NEIL3: variants seen among roughly 807,000 people sequenced by gnomAD.
NEIL3 encodes the protein nei like DNA glycosylase 3.
Under a neutral mutation model 57.5 loss-of-function variants are expected in NEIL3, and 48 were observed. That is an observed-to-expected ratio of 0.83 (90% CI 0.66 to 1.06). The LOEUF is 1.06. Among genes scored for constraint, NEIL3 ranks in the 50% least tolerant of loss-of-function variants. NEIL3 has a pLI of 0.00. For synonymous variants in NEIL3, 261 were observed against 253.2 expected, an observed-to-expected ratio of 1.03 and a Z score of -0.29; for missense variants, 717 against 739.1, an observed-to-expected ratio of 0.97 and a Z score of 0.35.
In NEIL3 at chr4:177,309,880, C is replaced by T. The variant is rs550033836; in HGVS notation, c.-74C>T. On this transcript the variant is annotated 5_prime_UTR_variant, in exon 1 of 10. Coordinates refer to ENST00000264596, the MANE Select transcript of NEIL3 (RefSeq NM_018248.3). ...ATTTCCTCTGCGTGCGGTCAGTGCC[C>T]GCGCAGCGTTGAGTTGCACAGCGGT... is the stretch of plus-strand genomic sequence containing the variant. 5.2e-6 allele frequency: 8 copies of T among 1,530,956 alleles called. No homozygotes were observed. The highest frequency in any genetic ancestry group is 4.9e-5 in the South Asian group (4 of 80,922). The allele number at this position is 1,530,956 out of a possible 1,614,324, so 94.8% of individuals were successfully genotyped here.
rs1181578831 is a variant in NEIL3, at chr4:177,326,289, C to T, written c.278+3709C>T. On this transcript the variant is annotated intron_variant, in intron 2 of 9. Transcript: ENST00000264596. ...GTGTATTTTCCAGCACCATTGTTGA[C>T]GAGATTATCCTTTCTCCATTGAATT... 2.6e-5 allele frequency among the ~76,000 whole-genome samples: 4 copies of T among 152,150 alleles called. No homozygotes were observed. The East Asian group carries it at 7.7e-4, about 29-fold the overall frequency.
At chr4:177,337,655 C>T (rs1287816773) in intron 4 of NEIL3, among the ~76,000 whole-genome samples, 3 of 152,176 alleles carry the variant, frequency 2.0e-5, no homozygotes, top group Non-Finnish European at 4.4e-5. Flanking sequence ...ATCCAGCCAT[C>T]CATCCATCTA....
At position 177,351,206 on chromosome 4, in the gene NEIL3, C is replaced by CA. The variant is rs749430879; in HGVS notation, c.870-142dup. 8.9e-3 allele frequency among the ~76,000 whole-genome samples: 520 copies of CA among 58,510 alleles called. 89 individuals are homozygous for CA. Among genetic ancestry groups the CA allele is most frequent in the South Asian group, 0.016 (16 of 1,016 alleles). 38.4% of individuals were successfully genotyped at this position (58,510 alleles called of 152,430 possible). On this transcript the variant is annotated intron_variant, in intron 6 of 9. Transcript: ENST00000264596. ...ATGACAGAGCAAGACCCCATCTCTA[C>CA]AAAAAAAAAAAAAAAAAAAAAAAAA... is the stretch of plus-strand genomic sequence containing the variant.
In NEIL3 at chr4:177,348,713, G is replaced by A. The variant is rs73867904; in HGVS notation, c.870-2667G>A. ...ATTTGCATCTGCAGCAGATCCCACG[G>A]GATTTGCTGATGGACTGGAAGTGGG... is the stretch of plus-strand genomic sequence containing the variant. On this transcript the variant is annotated intron_variant, in intron 6 of 9. Transcript: ENST00000264596. 4.5e-3 allele frequency among the ~76,000 whole-genome samples: 685 copies of A among 152,110 alleles called. 3 individuals carry two copies. The highest frequency in any genetic ancestry group is 0.016 in the African/African-American group (658 of 41,506).
chr4:177,354,825 G>T (rs959255662), intron 8 of NEIL3, among the ~76,000 whole-genome samples: 7 of 152,136 alleles, frequency 4.6e-5, no homozygotes, highest in Admixed American at 1.3e-4. Context: ...TTGCTACTTT[G>T]TATCTGAAAT....
At chr4:177,363,767 T>C (rs184895726), downstream of NEIL3, among the ~76,000 whole-genome samples, 1 of 152,296 alleles carries the variant, frequency 6.6e-6, no homozygotes, top group East Asian at 1.9e-4. Context: ...ACTTTTTTTT[T>C]TGAGACAGGG....
At chr4:177,361,209 G>A (rs1352469641) in intron 9 of NEIL3, among the ~76,000 whole-genome samples, 1 of 152,176 alleles carries the variant, frequency 6.6e-6, no homozygotes, top group Non-Finnish European at 1.5e-5. Flanking sequence ...CCAGTCTGTG[G>A]ATGTATCCCT....
intron 6 of NEIL3, among the ~76,000 whole-genome samples, chr4:177,349,259 C>A (rs1249740108): frequency 6.6e-6 from 1 of 152,008 alleles, no homozygotes; most frequent in Non-Finnish European, 1.5e-5. Flanking sequence ...TAGCTTAAAG[C>A]AACAGAAATG....
the NEIL3 span, among the ~76,000 whole-genome samples, chr4:177,368,047 C>G: frequency 6.6e-6 from 1 of 152,192 alleles, no homozygotes; most frequent in African/African-American, 2.4e-5. Flanking sequence ...TGCCCACACC[C>G]TGAATAAGCT....
chr4:177,340,109 C>T (rs1735062567), intron 5 of NEIL3, among the ~76,000 whole-genome samples: 1 of 152,190 alleles, frequency 6.6e-6, no homozygotes, highest in Admixed American at 6.5e-5. Flanking sequence ...GTTGGCATTT[C>T]ACAGACTCTT....
At chr4:177,350,848 A>G (rs186284905) in intron 6 of NEIL3, among the ~76,000 whole-genome samples, 16 of 152,182 alleles carry the variant, frequency 1.1e-4, no homozygotes, top group African/African-American at 3.6e-4. Flanking sequence ...ATTTGACTCT[A>G]AATAACTTTT....
chr4:177,355,951 G>A (rs1212908714), intron 8 of NEIL3, among the ~76,000 whole-genome samples: 2 of 151,974 alleles, frequency 1.3e-5, no homozygotes, highest in African/African-American at 4.8e-5. Flanking sequence ...AGCTAAGGGG[G>A]CTAAACTTTT....
chr4:177,364,966 A>T (rs189463565), downstream of NEIL3, among the ~76,000 whole-genome samples: 674 of 152,036 alleles, frequency 4.4e-3, 22 homozygotes, highest in Admixed American at 0.04. Context: ...ATTATCTGCC[A>T]TGCAAGAAAG....
Position 177,362,563 on chromosome 4 carries a change from A to AC in NEIL3, c.*92_*93insC. On this transcript the variant is annotated 3_prime_UTR_variant, in exon 10 of 10. Transcript: ENST00000264596. ...ATAGAAAAGTCATAGAATATCTATG[A>AC]TACATTGAAAAGTTACTGCAATATT... 13 of 974,488 alleles carry AC rather than the reference A, an allele frequency of 1.3e-5. No individual in the cohort carries two copies. The highest frequency in any genetic ancestry group is 1.8e-5 in the Non-Finnish European group (12 of 675,624). The allele number at this position is 974,488 out of a possible 1,614,324, so 60.4% of individuals were successfully genotyped here. A position where few individuals can be genotyped will look rare whatever the true frequency, so the allele number is the denominator to read the frequency against.
At position 177,327,587 on chromosome 4, in the gene NEIL3, C is replaced by G. The variant is rs111250485; in HGVS notation, c.278+5007C>G. ...GTCCTAATGCTCTCCCTCTCCTTGT[C>G]CCCCACACCCTATATGCCTTTTATT... On this transcript the variant is annotated intron_variant, in intron 2 of 9. Coordinates refer to ENST00000264596, the MANE Select transcript of NEIL3 (RefSeq NM_018248.3). Among the ~76,000 whole-genome samples, 1,328 of 152,208 alleles carry G rather than the reference C, an allele frequency of 8.7e-3. 18 individuals are homozygous for G. Among genetic ancestry groups the G allele is most frequent in the African/African-American group, 0.03 (1,260 of 41,542 alleles).
rs561251943 is a variant in NEIL3 at position 177,315,830 on chromosome 4, C to T, written c.156+5721C>T. 1.1e-4 allele frequency among the ~76,000 whole-genome samples: 17 copies of T among 152,168 alleles called. No homozygotes were observed. The South Asian group carries it at 3.3e-3, about 30-fold the overall frequency. On this transcript the variant is annotated intron_variant, in intron 1 of 9. Coordinates refer to ENST00000264596, the MANE Select transcript of NEIL3 (RefSeq NM_018248.3). The stretch of plus-strand genomic sequence containing the variant: ...TTTATTTTATCCCAAGTATATTATC[C>T]AGAGCTGATTATTTTAGAAATGATA...
At chr4:177,310,981 AC>A (rs548616050) in intron 1 of NEIL3, among the ~76,000 whole-genome samples, 36 of 152,348 alleles carry the variant, frequency 2.4e-4, no homozygotes, top group Admixed American at 8.5e-4. Flanking sequence ...ATATTTTCAA[AC>A]TTGGGAAAAA....
chr4:177,360,604 A>G lies in NEIL3; in HGVS notation c.1562A>G (p.Lys521Arg). ...NRLCILRVVG[K>R]DGENKGRQFY... The stretch of plus-strand genomic sequence containing the variant: ...CTCTGCATTCTCCGAGTTGTGGGGA[A>G]GGATGGGGAAAACAAGGGCAGGCAG... The change falls in exon 9 of 10, where the codon AAG becomes AGG. Residue 521 changes from lysine to arginine, a missense_variant. Transcript: ENST00000264596. 1 of 1,614,108 alleles carries G rather than the reference A, an allele frequency of 6.2e-7. No homozygotes were observed. Among genetic ancestry groups the G allele is most frequent in the Non-Finnish European group, 8.5e-7 (1 of 1,179,956 alleles).
In NEIL3 at chr4:177,310,090, C is replaced by G. The variant is rs556836096; in HGVS notation, c.137C>G (p.Thr46Arg). The change falls in exon 1 of 10, where the codon ACG (threonine) becomes AGG (arginine). Residue 46 changes from threonine to arginine, a missense_variant. Physicochemically the swap from Thr to Arg is moderately conservative, Grantham distance 71. Transcript: ENST00000264596. The stretch of plus-strand genomic sequence containing the variant: ...CGCGCCTTGCGGCTCGCAGCCTCCA[C>G]GGTTGTGGTCTCCCCGCAGGTGAGC... ...QGRALRLAAS[T>R]VVVSPQAAAL... is the part of the protein sequence containing the mutation. 6.3e-7 allele frequency: 1 copy of G among 1,587,202 alleles called. No individual in the cohort carries two copies. The highest frequency in any genetic ancestry group is 8.6e-7 in the Non-Finnish European group (1 of 1,169,396).
Sources: gnomAD v4.1 joint callset for allele counts (sites outside exome capture counted in the v4.1 genomes callset) on GRCh38, gnomAD v4.1.1 for gene constraint, MANE v1.5 for transcripts, NCBI Gene and HGNC (gene_info 2026-07-23, HGNC 2026-07-21) for gene names.